DSCAM: variants seen among roughly 807,000 people sequenced by gnomAD.
DSCAM encodes the protein cell adhesion molecule DSCAM.
In DSCAM, 47 loss-of-function variants were observed where a neutral mutation model predicts 217.7. The ratio of observed to expected loss-of-function variants is 0.22; its 90% CI spans 0.17 to 0.28. The LOEUF is 0.28. Ranked by LOEUF, DSCAM falls within the 10% of genes least tolerant of loss-of-function variation. The pLI is 1.00. For missense variants in DSCAM, 2,080 were observed against 2,618.3 expected, an observed-to-expected ratio of 0.79 and a Z score of 4.49; for synonymous variants, 1,056 against 1,015.3, an observed-to-expected ratio of 1.04 and a Z score of -0.76.
At chr21:40,246,402 G>A (rs189242556) in intron 11 of DSCAM, among the ~76,000 whole-genome samples, 121 of 143,920 alleles carry the variant, frequency 8.4e-4, no homozygotes, top group African/African-American at 2.9e-3. Flanking sequence ...TTAGCTAGGT[G>A]TGGTGGTGCA....
At chr21:40,129,392 G>C (rs2090131895) in intron 19 of DSCAM, among the ~76,000 whole-genome samples, 1 of 152,150 alleles carries the variant, frequency 6.6e-6, no homozygotes, top group Admixed American at 6.5e-5. Flanking sequence ...TTAAATGTTT[G>C]ACTGATCCTT....
intron 23 of DSCAM, among the ~76,000 whole-genome samples, chr21:40,084,280 T>C (rs1048784262): frequency 1.3e-5 from 2 of 152,180 alleles, no homozygotes; most frequent in Non-Finnish European, 2.9e-5. Flanking sequence ...TCCTTGACTG[T>C]CTGAGTTATT....
intron 3 of DSCAM, among the ~76,000 whole-genome samples, chr21:40,545,582 G>A (rs142213093): frequency 6.6e-6 from 1 of 152,150 alleles, no homozygotes; most frequent in Non-Finnish European, 1.5e-5. Flanking sequence ...CTTTGCACCT[G>A]CCACTGACTT....
intron 3 of DSCAM, among the ~76,000 whole-genome samples, chr21:40,581,033 G>A (rs1389685712): frequency 6.6e-6 from 1 of 152,178 alleles, no homozygotes; most frequent in Non-Finnish European, 1.5e-5. Flanking sequence ...TGAAAGCTGT[G>A]TTTTGTTTTT....
intron 21 of DSCAM, among the ~76,000 whole-genome samples, chr21:40,091,230 AAG>A (rs1020351573): frequency 1.3e-5 from 2 of 152,162 alleles, no homozygotes; most frequent in African/African-American, 4.8e-5. Context: ...CACAGAGAGA[AAG>A]AGAGATCATG....
intron 11 of DSCAM, among the ~76,000 whole-genome samples, chr21:40,265,201 A>AAAAG (rs370147592): frequency 0.039 from 5,942 of 151,528 alleles, 334 homozygotes; most frequent in East Asian, 0.21. Flanking sequence ...GTCTCAAAAA[A>AAAAG]AAAAGAAAAA....
intron 8 of DSCAM, among the ~76,000 whole-genome samples, chr21:40,318,158 G>A (rs1601546070): frequency 7.1e-6 from 1 of 141,080 alleles, no homozygotes; most frequent in East Asian, 2.2e-4. Flanking sequence ...ACACAGCAAG[G>A]GGAACATCAC....
At chr21:40,467,161 T>G (rs1304234588) in intron 3 of DSCAM, among the ~76,000 whole-genome samples, 1 of 152,242 alleles carries the variant, frequency 6.6e-6, no homozygotes, top group Non-Finnish European at 1.5e-5. Flanking sequence ...AGTGGACTTA[T>G]AGAAACAACA....
chr21:40,150,023 CTCCACT>C (rs1259362409), intron 16 of DSCAM, among the ~76,000 whole-genome samples: 3 of 152,252 alleles, frequency 2.0e-5, no homozygotes, highest in Non-Finnish European at 2.9e-5. Context: ...CCTCTACCAC[CTCCACT>C]TCCACTTATT....
chr21:40,474,405 C>T (rs920114022), intron 3 of DSCAM, among the ~76,000 whole-genome samples: 5 of 152,080 alleles, frequency 3.3e-5, no homozygotes, highest in African/African-American at 1.2e-4. Flanking sequence ...TGTTCCTTTG[C>T]AGCATATAAT....
chr21:40,701,365 T>G (rs1490649976), intron 2 of DSCAM, among the ~76,000 whole-genome samples: 2 of 152,144 alleles, frequency 1.3e-5, no homozygotes, highest in Admixed American at 1.3e-4. Context: ...TTTAACAATT[T>G]TTTTAAAAGA....
At chr21:40,822,393 G>T (rs2091937028) in intron 1 of DSCAM, among the ~76,000 whole-genome samples, 1 of 143,594 alleles carries the variant, frequency 7.0e-6, no homozygotes. Context: ...TAACTAAATT[G>T]GATTATTCAG....
intron 1 of DSCAM, among the ~76,000 whole-genome samples, chr21:40,805,866 G>A (rs1255005722): frequency 4.6e-5 from 7 of 151,546 alleles, no homozygotes; most frequent in Non-Finnish European, 7.4e-5. Context: ...CTGCCACCAC[G>A]CCTAGCTAAT....
intron 3 of DSCAM, among the ~76,000 whole-genome samples, chr21:40,692,310 G>A (rs2090546873): frequency 6.6e-6 from 1 of 152,142 alleles, no homozygotes; most frequent in African/African-American, 2.4e-5. Flanking sequence ...TTATTCATAT[G>A]CAAATATACA....
intron 19 of DSCAM, among the ~76,000 whole-genome samples, chr21:40,129,919 AT>A (rs960942284): frequency 1.1e-4 from 16 of 152,146 alleles, no homozygotes; most frequent in African/African-American, 3.4e-4. Flanking sequence ...ATGTCAGCTT[AT>A]TTTTTTGCTT....
intron 5 of DSCAM, among the ~76,000 whole-genome samples, chr21:40,353,137 G>T (rs1403914844): frequency 1.3e-5 from 2 of 152,106 alleles, no homozygotes; most frequent in Non-Finnish European, 2.9e-5. Context: ...TAGAGAGACT[G>T]GTTGTTGTGA....
chr21:40,204,445 AT>A (rs2091102822), intron 11 of DSCAM, among the ~76,000 whole-genome samples: 1 of 152,154 alleles, frequency 6.6e-6, no homozygotes, highest in Non-Finnish European at 1.5e-5. Context: ...CATTTTTATT[AT>A]GTTTATTAGA....
chr21:40,585,588 C>T lies in DSCAM; in HGVS notation c.508+107222G>A, dbSNP rs567263908. On this transcript the variant is annotated intron_variant, in intron 3 of 32. Coordinates refer to ENST00000400454, the MANE Select transcript of DSCAM (RefSeq NM_001389.5). ...TAATGCTGAATGAAGAATTATTCCA[C>T]CCACCTCTCAGCAGTAGTGACTGAC... is the stretch of plus-strand genomic sequence containing the variant. Among the ~76,000 whole-genome samples, 3 of 152,202 alleles carry T rather than the reference C, an allele frequency of 2.0e-5. No individual in the cohort carries two copies. The South Asian group carries it at 6.2e-4, about 32-fold the overall frequency.
chr21:40,086,153 G>C (rs539859187), intron 22 of DSCAM, among the ~76,000 whole-genome samples: 3 of 152,208 alleles, frequency 2.0e-5, no homozygotes, highest in African/African-American at 7.2e-5. Flanking sequence ...AATCATACAG[G>C]GGAAACTAAA....
Sources: allele counts gnomAD v4.1 joint callset (sites outside exome capture counted in the v4.1 genomes callset), GRCh38; gene constraint gnomAD v4.1.1; transcripts MANE v1.5; gene names NCBI Gene and HGNC (gene_info 2026-07-23, HGNC 2026-07-21).